EHBP1: variants seen among roughly 807,000 people sequenced by gnomAD.
EHBP1 encodes EH domain-binding protein 1.
Under a neutral mutation model 144.0 loss-of-function variants are expected in EHBP1, and 55 were observed. That is an observed-to-expected ratio of 0.38 (90% CI 0.31 to 0.48). The LOEUF (loss-of-function observed/expected upper bound fraction) is 0.48. Among genes scored for constraint, EHBP1 ranks in the 20% least tolerant of loss-of-function variants. The pLI is 0.98. For synonymous variants in EHBP1, 469 were observed against 472.7 expected (o/e 0.99, Z 0.10); for missense variants, 1,200 against 1,364.2 (o/e 0.88, Z 1.90).
At chr2:62,864,663 C>T in intron 8 of EHBP1, 68 bp from the exon 9 acceptor site, 1 of 1,455,514 alleles carries the variant, frequency 6.9e-7, no homozygotes, top group Non-Finnish European at 9.4e-7. Context: ...TATTTGAGAA[C>T]ACTAAACAAT....
chr2:62,727,857 T>C (rs747425470), intron 2 of EHBP1, among the ~76,000 whole-genome samples: 23 of 152,116 alleles, frequency 1.5e-4, no homozygotes, highest in Non-Finnish European at 3.1e-4. Flanking sequence ...GGCTGTTATT[T>C]TGGGGCTTGC....
At chr2:62,892,218 G>T (rs2052521409) in intron 10 of EHBP1, among the ~76,000 whole-genome samples, 1 of 152,112 alleles carries the variant, frequency 6.6e-6, no homozygotes, top group African/African-American at 2.4e-5. Flanking sequence ...ACCACCACGT[G>T]TTATTGAAAC....
At chr2:62,677,636 T>G (rs2033350725) in intron 1 of EHBP1, among the ~76,000 whole-genome samples, 1 of 152,128 alleles carries the variant, frequency 6.6e-6, no homozygotes, top group Non-Finnish European at 1.5e-5. Context: ...TCCCCCCACC[T>G]ACCCCACTAC....
chr2:62,738,314 C>T (rs1469573614), intron 2 of EHBP1, among the ~76,000 whole-genome samples: 2 of 152,134 alleles, frequency 1.3e-5, no homozygotes, highest in African/African-American at 4.8e-5. Context: ...ACTTAGTAAA[C>T]ATAGTTAGCA....
intron 5 of EHBP1, among the ~76,000 whole-genome samples, chr2:62,801,383 T>C (rs932855954): frequency 6.6e-6 from 1 of 152,204 alleles, no homozygotes; most frequent in Non-Finnish European, 1.5e-5. Context: ...TTTATATCAA[T>C]CACACCATCT....
intron 10 of EHBP1, among the ~76,000 whole-genome samples, chr2:62,892,281 A>G (rs2052525223): frequency 6.6e-6 from 1 of 152,162 alleles, no homozygotes; most frequent in Non-Finnish European, 1.5e-5. Context: ...TTTTTAGATT[A>G]TACTGTAGCT....
intron 8 of EHBP1, among the ~76,000 whole-genome samples, chr2:62,861,525 C>T (rs1368953179): frequency 6.6e-6 from 1 of 151,588 alleles, no homozygotes; most frequent in Non-Finnish European, 1.5e-5. Context: ...AGGTGGATCG[C>T]TTGAGACCAG....
At chr2:62,863,866 A>C (rs1193010480) in intron 8 of EHBP1, among the ~76,000 whole-genome samples, 1 of 7,114 alleles carries the variant, frequency 1.4e-4, no homozygotes, top group Non-Finnish European at 6.9e-4. Flanking sequence ...TTTTTTTTTT[A>C]AACAGAGTCT....
intron 10 of EHBP1, among the ~76,000 whole-genome samples, chr2:62,916,198 AAAAG>A (rs2054603219): frequency 6.6e-6 from 1 of 152,114 alleles, no homozygotes; most frequent in Admixed American, 6.5e-5. Flanking sequence ...TTTTAAAAGA[AAAAG>A]AAAATATAAT....
intron 10 of EHBP1, among the ~76,000 whole-genome samples, chr2:62,901,052 C>G (rs1388986760): frequency 5.9e-5 from 9 of 152,152 alleles, no homozygotes; most frequent in South Asian, 4.2e-4. Flanking sequence ...TATTTATTTT[C>G]CTTTATTAAG....
chr2:62,980,385 C>T (rs2058911633), intron 15 of EHBP1, among the ~76,000 whole-genome samples: 2 of 152,084 alleles, frequency 1.3e-5, no homozygotes, highest in South Asian at 2.1e-4. Flanking sequence ...GCTCATTCGC[C>T]CTGTTAGGCC....
intron 19 of EHBP1, among the ~76,000 whole-genome samples, chr2:63,001,295 T>TA (rs1278135442): frequency 2.6e-5 from 4 of 152,156 alleles, no homozygotes; most frequent in African/African-American, 9.7e-5. Flanking sequence ...AAGCACTGAG[T>TA]AAAAGGATCA....
At chr2:62,995,734 G>C (rs1293299700) in intron 18 of EHBP1, among the ~76,000 whole-genome samples, 4 of 151,926 alleles carry the variant, frequency 2.6e-5, no homozygotes, top group Admixed American at 2.6e-4. Context: ...AGGTAAACAG[G>C]TAATCCAAAG....
chr2:62,944,713 T>C (rs902352337), intron 12 of EHBP1, among the ~76,000 whole-genome samples: 5 of 152,224 alleles, frequency 3.3e-5, no homozygotes, highest in Non-Finnish European at 7.3e-5. Flanking sequence ...TCAGGGCATC[T>C]GTGTAAGGCT....
At chr2:62,682,786 C>G (rs754335186) in intron 1 of EHBP1, among the ~76,000 whole-genome samples, 5 of 152,132 alleles carry the variant, frequency 3.3e-5, no homozygotes, top group Non-Finnish European at 7.4e-5. Context: ...AGAATATTTT[C>G]ATTATCAACC....
intron 4 of EHBP1, among the ~76,000 whole-genome samples, chr2:62,770,654 C>T (rs551308867): frequency 3.3e-5 from 5 of 152,208 alleles, no homozygotes; most frequent in East Asian, 1.9e-4. Flanking sequence ...ATCCCATTAC[C>T]GGGTATATAC....
At chr2:62,988,929 T>C (rs1321564768) in intron 15 of EHBP1, among the ~76,000 whole-genome samples, 2 of 152,152 alleles carry the variant, frequency 1.3e-5, no homozygotes, top group Non-Finnish European at 2.9e-5. Context: ...TCTTTCCCTG[T>C]TGGAAATACT....
At chr2:62,893,319 G>A (rs376555094) in intron 10 of EHBP1, among the ~76,000 whole-genome samples, 4 of 151,890 alleles carry the variant, frequency 2.6e-5, no homozygotes, top group Non-Finnish European at 1.5e-5. Flanking sequence ...ACTCTCATGC[G>A]CGATCGTTCT....
chr2:62,714,227 GA>G (rs1012255341), intron 2 of EHBP1, among the ~76,000 whole-genome samples: 2 of 151,926 alleles, frequency 1.3e-5, no homozygotes, highest in African/African-American at 4.8e-5. Flanking sequence ...CTCTTAAAAA[GA>G]AAAAAAGAAA....
Sources: gnomAD v4.1 joint callset for allele counts (sites outside exome capture counted in the v4.1 genomes callset) on GRCh38, gnomAD v4.1.1 for gene constraint, MANE v1.5 for transcripts, NCBI Gene and HGNC (gene_info 2026-07-23, HGNC 2026-07-21) for gene names.